Variants in VAMP7 observed in about 807,000 individuals in gnomAD.
The protein encoded by VAMP7 is vesicle associated membrane protein 7, also known as vesicle-associated membrane protein 7.
Under a neutral mutation model 29.6 loss-of-function variants are expected in VAMP7, and 14 were observed. The observed-to-expected ratio is 0.47, with a 90% CI of 0.31 to 0.74. The LOEUF (loss-of-function observed/expected upper bound fraction) is 0.74, where lower values mean the gene tolerates loss of function less well. Among genes scored for constraint, VAMP7 ranks in the 30% least tolerant of loss-of-function variants. The pLI is 0.05. For synonymous variants in VAMP7, 95 were observed against 88.1 expected (o/e 1.08, Z -0.44); for missense variants, 223 against 262.4 (o/e 0.85, Z 1.04).
At chrX:155,891,211 G>A (rs959521474) in intron 2 of VAMP7, among the ~76,000 whole-genome samples, 79 of 152,286 alleles carry the variant, frequency 5.2e-4, no homozygotes, top group African/African-American at 1.6e-3. Flanking sequence ...GTAGTCGTAG[G>A]CTCAACTAAA....
intron 7 of VAMP7, among the ~76,000 whole-genome samples, chrX:155,940,642 C>T (rs1399927740): frequency 6.6e-6 from 1 of 152,150 alleles, no homozygotes; most frequent in African/African-American, 2.4e-5. Context: ...CAGAGCACAG[C>T]TCTAAATGCA....
chrX:155,895,126 G>A (rs2065970900), intron 2 of VAMP7, among the ~76,000 whole-genome samples: 1 of 152,104 alleles, frequency 6.6e-6, no homozygotes. Flanking sequence ...CTTACACTGT[G>A]ATCCCTATGA....
At chrX:155,921,894 T>G (rs771407984) in intron 6 of VAMP7, among the ~76,000 whole-genome samples, 1 of 152,176 alleles carries the variant, frequency 6.6e-6, no homozygotes, top group Admixed American at 6.5e-5. Flanking sequence ...TATAGGTCAC[T>G]TTAGGGGACA....
At chrX:155,937,808 C>T (rs2066683884) in intron 6 of VAMP7, among the ~76,000 whole-genome samples, 1 of 152,084 alleles carries the variant, frequency 6.6e-6, no homozygotes, top group Non-Finnish European at 1.5e-5. Context: ...CAGTACCAGG[C>T]ACATAATAAG....
intron 6 of VAMP7, among the ~76,000 whole-genome samples, chrX:155,934,439 C>T (rs1046068254): frequency 5.0e-4 from 76 of 152,134 alleles, no homozygotes; most frequent in Non-Finnish European, 9.8e-4. Flanking sequence ...GAATTGATCC[C>T]TTTACCATTA....
intron 6 of VAMP7, among the ~76,000 whole-genome samples, chrX:155,932,468 C>G (rs5983834): frequency 0.64 from 96,844 of 151,882 alleles, 31,194 homozygotes; most frequent in African/African-American, 0.74. Context: ...CTCTTTGAAG[C>G]AATTGTGAAT....
At chrX:155,929,134 A>G (rs1198947921) in intron 6 of VAMP7, among the ~76,000 whole-genome samples, 2 of 152,196 alleles carry the variant, frequency 1.3e-5, no homozygotes, top group Non-Finnish European at 2.9e-5. Flanking sequence ...ATTTCAGTGC[A>G]TGAAGAATTT....
intron 6 of VAMP7, among the ~76,000 whole-genome samples, chrX:155,924,136 A>G (rs1047802650): frequency 3.3e-5 from 5 of 151,900 alleles, no homozygotes; most frequent in African/African-American, 1.2e-4. Flanking sequence ...TATTTTGATT[A>G]CTCAAGTACT....
intron 1 of VAMP7, among the ~76,000 whole-genome samples, chrX:155,888,760 T>C (rs1411664875): frequency 2.0e-5 from 3 of 152,164 alleles, no homozygotes; most frequent in Non-Finnish European, 4.4e-5. Context: ...ATACTGGCAG[T>C]GTACAGTAAA....
chrX:155,892,363 T>C (rs994863930), intron 2 of VAMP7, among the ~76,000 whole-genome samples: 2 of 152,168 alleles, frequency 1.3e-5, no homozygotes, highest in Non-Finnish European at 2.9e-5. Flanking sequence ...CTTCAACAGA[T>C]ACTGTCTGCC....
intron 5 of VAMP7, among the ~76,000 whole-genome samples, chrX:155,901,944 T>C (rs1376669068): frequency 2.0e-5 from 3 of 152,106 alleles, no homozygotes; most frequent in Non-Finnish European, 4.4e-5. Flanking sequence ...TGGCATTGAA[T>C]CTATAAATTA....
At position 155,942,200 on chromosome X, in the gene VAMP7, G is replaced by C. The variant is rs749893726; in HGVS notation, c.*249G>C. 1.9e-4 allele frequency: 287 copies of C among 1,523,494 alleles called. 4 individuals are homozygous for C. The South Asian group carries it at 3.4e-3, about 18-fold the overall frequency. 94.4% of individuals were successfully genotyped at this position (1,523,494 alleles called of 1,614,324 possible). On this transcript the variant is annotated 3_prime_UTR_variant, in exon 8 of 8. Transcript: ENST00000286448. ...TAAAAAGGCTTTTGTTTATTTCTTTGGTTTGTTAACTAGTGTCATCTATTT... is the reference window on the plus strand; with the variant it reads ...TAAAAAGGCTTTTGTTTATTTCTTTCGTTTGTTAACTAGTGTCATCTATTT...
At chrX:155,912,668 T>G (rs932224064) in intron 5 of VAMP7, among the ~76,000 whole-genome samples, 1 of 152,160 alleles carries the variant, frequency 6.6e-6, no homozygotes, top group African/African-American at 2.4e-5. Flanking sequence ...GCTTCATCCA[T>G]GTCCCTGCAA....
In VAMP7 at chrX:155,898,374, A is replaced by G; in HGVS notation, c.342+125A>G. 3 of 1,292,756 alleles carry G rather than the reference A, an allele frequency of 2.3e-6. No individual in the cohort carries two copies. The South Asian group carries it at 5.4e-5, about 23-fold the overall frequency. 80.1% of individuals were successfully genotyped at this position (1,292,756 alleles called of 1,614,324 possible). On this transcript the variant is annotated intron_variant, in intron 4 of 7. Transcript: ENST00000286448. ...GATTGTGTTACTGTAAGCCAACATAATAAAACTTCCCTGATTAAAAAAAAA... is the reference window on the plus strand; with the variant it reads ...GATTGTGTTACTGTAAGCCAACATAGTAAAACTTCCCTGATTAAAAAAAAA...
intron 1 of VAMP7, among the ~76,000 whole-genome samples, chrX:155,882,591 A>G (rs1474264173): frequency 6.6e-6 from 1 of 152,128 alleles, no homozygotes; most frequent in East Asian, 1.9e-4. Context: ...TTCATGGTTT[A>G]TCTGTAGTTG....
intron 6 of VAMP7, among the ~76,000 whole-genome samples, chrX:155,936,407 TCTC>T (rs1312607535): frequency 6.6e-6 from 1 of 151,936 alleles, no homozygotes; most frequent in Non-Finnish European, 1.5e-5. Context: ...GGCGGGCGCC[TCTC>T]CTCCAGCCTC....
At chrX:155,937,681 A>G (rs1172285421) in intron 6 of VAMP7, among the ~76,000 whole-genome samples, 2 of 152,120 alleles carry the variant, frequency 1.3e-5, no homozygotes, top group Admixed American at 1.3e-4. Context: ...AGGTCCTTTT[A>G]GTCTGAAGAT....
At chrX:155,905,646 T>C (rs2066137017) in intron 5 of VAMP7, among the ~76,000 whole-genome samples, 1 of 152,176 alleles carries the variant, frequency 6.6e-6, no homozygotes, top group Admixed American at 6.5e-5. Context: ...TCCAGAACCA[T>C]TTGCTGAAAA....
At chrX:155,897,990 C>A in intron 3 of VAMP7, 122 bp from the exon 4 acceptor site, 2 of 1,248,776 alleles carry the variant, frequency 1.6e-6, no homozygotes, top group Non-Finnish European at 2.2e-6. Context: ...AGGATCAATG[C>A]TAGTTCCTCC....
Sources: allele counts gnomAD v4.1 joint callset (sites outside exome capture counted in the v4.1 genomes callset), GRCh38; gene constraint gnomAD v4.1.1; transcripts MANE v1.5; gene names NCBI Gene and HGNC (gene_info 2026-07-23, HGNC 2026-07-21).